PDZRN4: variants seen among roughly 807,000 people sequenced by gnomAD.
The protein encoded by PDZRN4 is PDZ domain-containing RING finger protein 4.
A neutral mutation model predicts 99.0 loss-of-function variants in PDZRN4; 70 were observed. That is an observed-to-expected ratio of 0.71 (90% confidence interval 0.58 to 0.86). PDZRN4 has a LOEUF of 0.86. Among genes scored for constraint, PDZRN4 ranks in the 40% least tolerant of loss-of-function variants. The pLI is 0.00. For missense variants in PDZRN4, 1,474 were observed against 1,331.2 expected, an observed-to-expected ratio of 1.11 and a Z score of -1.67; for synonymous variants, 551 against 501.6, an observed-to-expected ratio of 1.10 and a Z score of -1.32.
intron 3 of PDZRN4, among the ~76,000 whole-genome samples, chr12:41,227,327 A>G (rs17129139): frequency 0.084 from 12,847 of 152,110 alleles, 928 homozygotes; most frequent in African/African-American, 0.19. Context: ...TCTATATTTT[A>G]TCAGGGCCAA....
chr12:41,403,654 G>A (rs1952321012), intron 3 of PDZRN4, among the ~76,000 whole-genome samples: 1 of 152,106 alleles, frequency 6.6e-6, no homozygotes. Flanking sequence ...TGAAAAGTTT[G>A]GCTTTACATT....
chr12:41,279,782 T>C (rs1258782019), intron 3 of PDZRN4, among the ~76,000 whole-genome samples: 1 of 152,200 alleles, frequency 6.6e-6, no homozygotes, highest in South Asian at 2.1e-4. Flanking sequence ...GTATTGAGGA[T>C]AGCCTATAAA....
At chr12:41,458,980 T>C (rs1468481894) in intron 3 of PDZRN4, among the ~76,000 whole-genome samples, 1 of 151,628 alleles carries the variant, frequency 6.6e-6, no homozygotes, top group African/African-American at 2.4e-5. Context: ...GAAGGGCAGA[T>C]CTTTGGGAGT....
intron 3 of PDZRN4, among the ~76,000 whole-genome samples, chr12:41,358,357 T>G (rs1951942217): frequency 6.6e-6 from 1 of 152,034 alleles, no homozygotes; most frequent in Non-Finnish European, 1.5e-5. Context: ...CTCTATTTTC[T>G]TATATTTAAC....
At chr12:41,458,871 GA>G (rs1565588368) in intron 3 of PDZRN4, among the ~76,000 whole-genome samples, 1 of 152,198 alleles carries the variant, frequency 6.6e-6, no homozygotes, top group Non-Finnish European at 1.5e-5. Flanking sequence ...TGATTTCCAT[GA>G]GGGGGTTAGG....
chr12:41,341,155 C>G (rs972892451), intron 3 of PDZRN4, among the ~76,000 whole-genome samples: 1 of 102,016 alleles, frequency 9.8e-6, no homozygotes, highest in African/African-American at 3.3e-5. Flanking sequence ...CGTTCAACAT[C>G]CTTTCATGAT....
intron 3 of PDZRN4, among the ~76,000 whole-genome samples, chr12:41,378,464 T>C (rs1362455422): frequency 6.6e-6 from 1 of 151,468 alleles, no homozygotes; most frequent in Non-Finnish European, 1.5e-5. Flanking sequence ...CCAATTTTCA[T>C]ATCAGGGTAA....
chr12:41,274,307 A>G (rs1314373921), intron 3 of PDZRN4, among the ~76,000 whole-genome samples: 1 of 152,128 alleles, frequency 6.6e-6, no homozygotes, highest in Admixed American at 6.6e-5. Flanking sequence ...CCTCTTTCAT[A>G]CCAAGCATTA....
chr12:41,326,583 A>G (rs1263182615), intron 3 of PDZRN4, among the ~76,000 whole-genome samples: 1 of 152,190 alleles, frequency 6.6e-6, no homozygotes, highest in African/African-American at 2.4e-5. Flanking sequence ...ACATGGGATC[A>G]AGATACCCCA....
chr12:41,271,213 C>T (rs1331890236), intron 3 of PDZRN4, among the ~76,000 whole-genome samples: 1 of 140,780 alleles, frequency 7.1e-6, no homozygotes, highest in African/African-American at 2.5e-5. Context: ...TAAATCCACT[C>T]CTCCAACACA....
At chr12:41,531,820 A>G (rs1249998610) in intron 5 of PDZRN4, among the ~76,000 whole-genome samples, 1 of 152,092 alleles carries the variant, frequency 6.6e-6, no homozygotes, top group East Asian at 1.9e-4. Flanking sequence ...TTAGCTCTTT[A>G]TATATTTTAA....
In PDZRN4 at chr12:41,358,838, G is replaced by A. The variant is rs529436166; in HGVS notation, c.844-147618G>A. ...TATTGTGAGCACATGTCAAAGCTAG[G>A]TTATGATTCTTTCTTTTATAAAGCA... On this transcript the variant is annotated intron_variant, in intron 3 of 9. Coordinates refer to ENST00000402685, the MANE Select transcript of PDZRN4 (RefSeq NM_001164595.2). Among the ~76,000 whole-genome samples, 4 of 151,978 alleles carry A rather than the reference G, an allele frequency of 2.6e-5. No homozygotes were observed. In the East Asian group the frequency reaches 5.8e-4, roughly 22 times the overall value.
In PDZRN4 at chr12:41,353,111, G is replaced by T. The variant is rs1951903075; in HGVS notation, c.844-153345G>T. The stretch of plus-strand genomic sequence containing the variant: ...GTTTGTTAATTAGGCACTTCTATTT[G>T]TTGGTGATATACCAGATATTTTAAT... On this transcript the variant is annotated intron_variant, in intron 3 of 9. Coordinates refer to ENST00000402685, the MANE Select transcript of PDZRN4 (RefSeq NM_001164595.2). Among the ~76,000 whole-genome samples the T allele has an allele frequency of 2.0e-5, 3 of 152,142 alleles. No homozygotes were observed. In the South Asian group the frequency reaches 6.2e-4, roughly 32 times the overall value.
chr12:41,552,219 T>A (rs544692728), intron 5 of PDZRN4, among the ~76,000 whole-genome samples: 2 of 152,312 alleles, frequency 1.3e-5, no homozygotes, highest in South Asian at 4.1e-4. Flanking sequence ...GTCTTTTTTT[T>A]ATTATTTGAA....
At chr12:41,534,180 T>A (rs1938710333) in intron 5 of PDZRN4, among the ~76,000 whole-genome samples, 1 of 152,250 alleles carries the variant, frequency 6.6e-6, no homozygotes, top group South Asian at 2.1e-4. Flanking sequence ...TATAAGTTGC[T>A]ATATACATTC....
chr12:41,362,321 T>G (rs1382274846), intron 3 of PDZRN4, among the ~76,000 whole-genome samples: 1 of 151,944 alleles, frequency 6.6e-6, no homozygotes, highest in South Asian at 2.1e-4. Context: ...TGTGGGAGAA[T>G]TTATTTTGAT....
chr12:41,225,900 AC>A (rs1031155311), intron 3 of PDZRN4, among the ~76,000 whole-genome samples: 3 of 151,160 alleles, frequency 2.0e-5, no homozygotes, highest in African/African-American at 7.3e-5. Flanking sequence ...GGAGCCAGGC[AC>A]CCCCCTGGAG....
chr12:41,268,947 A>G (rs1256741254), intron 3 of PDZRN4, among the ~76,000 whole-genome samples: 1 of 152,218 alleles, frequency 6.6e-6, no homozygotes, highest in Non-Finnish European at 1.5e-5. Flanking sequence ...CAACTGGATA[A>G]TACAATTCTG....
intron 3 of PDZRN4, among the ~76,000 whole-genome samples, chr12:41,303,695 G>C (rs987027512): frequency 1.3e-5 from 2 of 152,180 alleles, no homozygotes; most frequent in African/African-American, 4.8e-5. Flanking sequence ...TGATTGAAAA[G>C]ATTCTTGCAG....
Sources: gnomAD v4.1 joint callset for allele counts (sites outside exome capture counted in the v4.1 genomes callset) on GRCh38, gnomAD v4.1.1 for gene constraint, MANE v1.5 for transcripts, NCBI Gene and HGNC (gene_info 2026-07-23, HGNC 2026-07-21) for gene names.